The following RIT2 variants were observed in gnomAD, a reference collection of about 807,000 sequenced individuals.
RIT2 encodes GTP-binding protein Rit2.
RIT2 carries 24 observed loss-of-function variants against 23.7 expected under a neutral mutation model. The ratio of observed to expected loss-of-function variants is 1.01; its 90% CI spans 0.73 to 1.43. RIT2 has a LOEUF of 1.43. RIT2 is among the 40% of genes most tolerant of loss of function. The pLI, the probability that RIT2 is intolerant of heterozygous loss-of-function variation, is 0.00. For synonymous variants in RIT2, 107 were observed against 91.1 expected (o/e 1.17, Z -0.99); for missense variants, 236 against 266.9 (o/e 0.88, Z 0.81).
At chr18:42,896,858 G>C (rs1355446675) in intron 4 of RIT2, among the ~76,000 whole-genome samples, 2 of 152,098 alleles carry the variant, frequency 1.3e-5, no homozygotes, top group Non-Finnish European at 2.9e-5. Context: ...CATTAGATGG[G>C]TATTCTAATC....
intron 2 of RIT2, among the ~76,000 whole-genome samples, chr18:42,989,409 C>T (rs977901702): frequency 6.6e-6 from 1 of 152,020 alleles, no homozygotes; most frequent in African/African-American, 2.4e-5. Flanking sequence ...ATATGAGCCA[C>T]ATATGCAATT....
Position 42,986,105 on chromosome 18 carries a change from T to A in RIT2, c.161-11958A>T, listed in dbSNP as rs145385894. ...CCTAGGCTGGAGTGTAGTGGCATGA[T>A]CTCGGCTCACTGCAACTTCTGCCTC... On this transcript the variant is annotated intron_variant, in intron 2 of 4. Transcript: ENST00000326695. 3.8e-3 allele frequency among the ~76,000 whole-genome samples: 578 copies of A among 151,730 alleles called. 2 individuals are homozygous for A. The highest frequency in any genetic ancestry group is 6.1e-3 in the Non-Finnish European group (413 of 67,910).
intron 1 of RIT2, among the ~76,000 whole-genome samples, chr18:43,104,718 A>T (rs1282565756): frequency 6.6e-6 from 1 of 152,144 alleles, no homozygotes; most frequent in Non-Finnish European, 1.5e-5. Flanking sequence ...TAAATAAATA[A>T]ATAAATATAA....
chr18:43,075,458 T>A (rs1269408690), intron 1 of RIT2, among the ~76,000 whole-genome samples: 2 of 152,154 alleles, frequency 1.3e-5, no homozygotes, highest in Non-Finnish European at 2.9e-5. Flanking sequence ...TCTTAATGTT[T>A]AATTAGTTTA....
chr18:43,067,606 A>C (rs1054908603), intron 1 of RIT2, among the ~76,000 whole-genome samples: 22 of 152,322 alleles, frequency 1.4e-4, no homozygotes, highest in African/African-American at 5.3e-4. Flanking sequence ...AAGAGTTATT[A>C]TCAATAGAAA....
Position 42,873,896 on chromosome 18 carries a change from A to G in RIT2, c.426+49676T>C, listed in dbSNP as rs9951927. On this transcript the variant is annotated intron_variant, in intron 4 of 4. Transcript: ENST00000326695. Reference sequence around the variant, plus strand: ...CATGGCATAGTGTAAACAGTACTGAACTGGGAATCAGAGAACAGTTAGTGA... The same window carrying G: ...CATGGCATAGTGTAAACAGTACTGAGCTGGGAATCAGAGAACAGTTAGTGA... Among the ~76,000 whole-genome samples, 1,123 of 152,274 alleles carry G rather than the reference A, an allele frequency of 7.4e-3. 7 individuals carry two copies. Among genetic ancestry groups the G allele is most frequent in the African/African-American group, 0.025 (1,049 of 41,562 alleles).
chr18:42,751,255 G>A (rs1913038488), intron 4 of RIT2, among the ~76,000 whole-genome samples: 1 of 151,868 alleles, frequency 6.6e-6, no homozygotes, highest in Non-Finnish European at 1.5e-5. Context: ...TTTAAGAAGA[G>A]TAGAAGTAGA....
chr18:42,887,261 T>C (rs960395110), intron 4 of RIT2, among the ~76,000 whole-genome samples: 1 of 152,134 alleles, frequency 6.6e-6, no homozygotes, highest in Non-Finnish European at 1.5e-5. Flanking sequence ...CCCTTAGTTA[T>C]CAAGAGAGAA....
chr18:43,113,810 T>C (rs556855929), intron 1 of RIT2, among the ~76,000 whole-genome samples: 1 of 152,196 alleles, frequency 6.6e-6, no homozygotes, highest in Non-Finnish European at 1.5e-5. Flanking sequence ...AGGCACATTA[T>C]TGCGACAATT....
At chr18:43,058,554 A>C (rs1017154166) in intron 1 of RIT2, among the ~76,000 whole-genome samples, 3 of 152,094 alleles carry the variant, frequency 2.0e-5, no homozygotes, top group African/African-American at 7.2e-5. Flanking sequence ...AATCACTCAT[A>C]AACATCACAC....
intron 4 of RIT2, among the ~76,000 whole-genome samples, chr18:42,888,068 T>C (rs887791923): frequency 3.9e-5 from 6 of 152,236 alleles, no homozygotes; most frequent in South Asian, 2.1e-4. Flanking sequence ...TTCTGTTTTA[T>C]GCTACATGAA....
chr18:42,978,084 T>C lies in RIT2; in HGVS notation c.161-3937A>G, dbSNP rs138355025. 1.2e-3 allele frequency among the ~76,000 whole-genome samples: 185 copies of C among 152,064 alleles called. 1 individual carries two copies. The highest frequency in any genetic ancestry group is 2.1e-3 in the Non-Finnish European group (145 of 67,960). On this transcript the variant is annotated intron_variant, in intron 2 of 4. Coordinates refer to ENST00000326695, the MANE Select transcript of RIT2 (RefSeq NM_002930.4). ...ATAAGTGAATCTTTCAGATTTCGTGTTTGTTTATTTAAACTCAAAGCCCCA... is the reference window on the plus strand; with the variant it reads ...ATAAGTGAATCTTTCAGATTTCGTGCTTGTTTATTTAAACTCAAAGCCCCA...
chr18:42,935,127 C>T (rs1909419874), intron 3 of RIT2, among the ~76,000 whole-genome samples: 1 of 152,136 alleles, frequency 6.6e-6, no homozygotes, highest in Admixed American at 6.5e-5. Flanking sequence ...AAAGAAACAC[C>T]TTTCCCCTAC....
chr18:42,972,736 A>G (rs911336389), intron 3 of RIT2, among the ~76,000 whole-genome samples: 3 of 151,818 alleles, frequency 2.0e-5, no homozygotes, highest in Non-Finnish European at 4.4e-5. Flanking sequence ...ACATCAAATA[A>G]TCAATCTTTT....
chr18:42,870,336 G>A (rs1907589136), intron 4 of RIT2, among the ~76,000 whole-genome samples: 1 of 152,070 alleles, frequency 6.6e-6, no homozygotes, highest in African/African-American at 2.4e-5. Context: ...CACCTCCCAG[G>A]TTCAAGCGAT....
At chr18:42,811,343 T>C (rs1267545013) in intron 4 of RIT2, among the ~76,000 whole-genome samples, 1 of 152,122 alleles carries the variant, frequency 6.6e-6, no homozygotes, top group Non-Finnish European at 1.5e-5. Context: ...GTCATATTTG[T>C]AGAAGATATG....
intron 3 of RIT2, among the ~76,000 whole-genome samples, chr18:42,951,711 G>A (rs1178053887): frequency 6.6e-6 from 1 of 151,926 alleles, no homozygotes; most frequent in Non-Finnish European, 1.5e-5. Context: ...ATTCATTGCA[G>A]CATTATTTAC....
chr18:42,821,711 C>T (rs1262888078), intron 4 of RIT2, among the ~76,000 whole-genome samples: 1 of 152,056 alleles, frequency 6.6e-6, no homozygotes, highest in Admixed American at 6.6e-5. Flanking sequence ...CTTGCCCTTC[C>T]ATTACAATGC....
At chr18:43,080,239 C>T (rs1446485013) in intron 1 of RIT2, among the ~76,000 whole-genome samples, 1 of 152,184 alleles carries the variant, frequency 6.6e-6, no homozygotes, top group Admixed American at 6.5e-5. Flanking sequence ...GCTCATCAAC[C>T]CTGCAAAGGC....
Sources: allele counts gnomAD v4.1 joint callset (sites outside exome capture counted in the v4.1 genomes callset), GRCh38; gene constraint gnomAD v4.1.1; transcripts MANE v1.5; gene names NCBI Gene and HGNC (gene_info 2026-07-23, HGNC 2026-07-21).